The following PA2G4 variants were observed in gnomAD, a reference collection of about 807,000 sequenced individuals.
PA2G4 encodes the protein proliferation-associated protein 2G4.
PA2G4 carries 8 observed loss-of-function variants against 53.3 expected under a neutral mutation model. The observed-to-expected ratio is 0.15, with a 90% confidence interval of 0.09 to 0.27. PA2G4 has a LOEUF of 0.27. Among genes scored for constraint, PA2G4 ranks in the 10% least tolerant of loss-of-function variants. PA2G4 has a pLI of 1.00. For missense variants in PA2G4, 208 were observed against 486.8 expected, an observed-to-expected ratio of 0.43 and a Z score of 5.39; for synonymous variants, 143 against 169.8, an observed-to-expected ratio of 0.84 and a Z score of 1.23.
Position 56,109,906 on chromosome 12 carries a change from C to T in PA2G4, c.600C>T (p.Thr200=), listed in dbSNP as rs1185693829. ...LKQHVIDGEK[T]IIQNPTDQQK... is the part of the protein sequence containing the mutation. ...AGCATGTCATCGATGGAGAAAAAAC[C>T]ATTATCCAGAATCCCACAGACCAGC... The change falls in exon 7 of 13, where the codon ACC becomes ACT. Residue 200 remains threonine (T), a synonymous_variant. Transcript: ENST00000303305. 1 of 1,613,674 alleles carries T rather than the reference C, an allele frequency of 6.2e-7. No homozygotes were observed. The highest frequency in any genetic ancestry group is 8.5e-7 in the Non-Finnish European group (1 of 1,179,710).
rs1592236990 is a variant in PA2G4 at position 56,112,974 on chromosome 12, A to G, written c.*86A>G. ...ACTCTGTGAAGTGCAGTTCTTCTCC[A>G]CCTAGGACCGCCAGCAGAGCGGGGG... On this transcript the variant is annotated 3_prime_UTR_variant, in exon 13 of 13. Transcript: ENST00000303305. 2.3e-6 allele frequency: 2 copies of G among 873,304 alleles called. No individual in the cohort carries two copies. Among genetic ancestry groups the G allele is most frequent in the Non-Finnish European group, 3.4e-6 (2 of 581,580 alleles). The allele number at this position is 873,304 out of a possible 1,614,324, so 54.1% of individuals were successfully genotyped here. A position where few individuals can be genotyped will look rare whatever the true frequency, so the allele number is the denominator to read the frequency against.
intron 12 of PA2G4, among the ~76,000 whole-genome samples, chr12:56,112,509 A>G (rs1052539596): frequency 1.3e-5 from 2 of 152,070 alleles, no homozygotes; most frequent in African/African-American, 4.8e-5. Flanking sequence ...TATAATCCCA[A>G]CAGTTTGGGA....
chr12:56,106,612 C>T lies in PA2G4; in HGVS notation c.113C>T (p.Ala38Val). 1 of 1,588,180 alleles carries T rather than the reference C, an allele frequency of 6.3e-7. No homozygotes were observed. Among genetic ancestry groups the T allele is most frequent in the East Asian group, 2.2e-5 (1 of 44,664 alleles). The stretch of plus-strand genomic sequence containing the variant: ...GGGGTACTTCGGTCCTTGGTGGAAG[C>T]ATCTAGCTCAGGTGTGTCGGTACTG... ...ANRVLRSLVE[A>V]SSSGVSVLSL... The change falls in exon 2 of 13, where the codon GCA becomes GTA. Residue 38 changes from alanine to valine, a missense_variant. This residue lies in a region of PA2G4 where 143 missense variants were observed against 386.8 expected (regional missense o/e 0.37). Transcript: ENST00000303305.
Position 56,107,237 on chromosome 12 carries a change from T to C in PA2G4, c.374T>C (p.Phe125Ser). 6.2e-7 allele frequency: 1 copy of C among 1,613,260 alleles called. No individual in the cohort carries two copies. The highest frequency in any genetic ancestry group is 1.1e-5 in the South Asian group (1 of 91,042). The change falls in exon 4 of 13, where the codon TTT becomes TCT. Residue 125 changes from phenylalanine (F) to serine (S), a missense_variant. Physicochemically the swap from Phe to Ser is radical, Grantham distance 155. Transcript: ENST00000303305. ...TTCATCGCTAATGTAGCTCACACTT[T>C]TGTGGTTGATGTAGCTCAGGTAGGT... ...DGFIANVAHT[F>S]VVDVAQGTQV...
intron 6 of PA2G4, 94 bp from the exon 7 acceptor site, chr12:56,109,763 C>T (rs1869379652): frequency 1.2e-6 from 1 of 832,574 alleles, no homozygotes; most frequent in East Asian, 2.4e-5. Flanking sequence ...GTAGTTGTCT[C>T]ACTGCCTACC....
chr12:56,104,596 G>T lies in PA2G4; in HGVS notation c.-142G>T. ...CGCAGCTTCTCGCTCTCGCCTGCCT[G>T]CCCGCTCCCTTGCTTGCTCGCGCTT... On this transcript the variant is annotated 5_prime_UTR_variant, in exon 1 of 13. Transcript: ENST00000303305. The T allele has an allele frequency of 1.2e-6, 1 of 857,418 alleles. No individual in the cohort carries two copies. The highest frequency in any genetic ancestry group is 2.0e-6 in the Non-Finnish European group (1 of 493,188). 53.1% of individuals were successfully genotyped at this position (857,418 alleles called of 1,614,324 possible). A position where few individuals can be genotyped will look rare whatever the true frequency, so the allele number is the denominator to read the frequency against.
chr12:56,109,618 C>T (rs1427471975), intron 6 of PA2G4, among the ~76,000 whole-genome samples: 1 of 143,314 alleles, frequency 7.0e-6, no homozygotes, highest in Non-Finnish European at 1.5e-5. Flanking sequence ...GAAACTCCAT[C>T]TCCTCCATCT....
Position 56,112,849 on chromosome 12 carries a change from C to T in PA2G4, c.1146C>T (p.Thr382=), listed in dbSNP as rs565015489. The change falls in exon 13 of 13, where the codon ACC becomes ACT. Residue 382 remains threonine, a synonymous_variant. Transcript: ENST00000303305. The part of the protein sequence containing the change: ...KKASKTAENA[T]SGETLEENEA... Reference sequence around the variant, plus strand: ...CCTCCAAGACTGCAGAGAATGCCACCAGTGGGGAAACATTAGAAGAAAATG... The same window carrying T: ...CCTCCAAGACTGCAGAGAATGCCACTAGTGGGGAAACATTAGAAGAAAATG... The T allele has an allele frequency of 6.0e-5, 95 of 1,581,800 alleles. No homozygotes were observed. The South Asian group carries it at 1.1e-3, about 18-fold the overall frequency.
At chr12:56,112,395 A>G (rs1869447838) in intron 12 of PA2G4, among the ~76,000 whole-genome samples, 2 of 152,256 alleles carry the variant, frequency 1.3e-5, no homozygotes. Context: ...TGAAGTTGAA[A>G]AATCACAAGT....
Position 56,104,819 on chromosome 12 carries a change from G to T in PA2G4, c.82G>T (p.Ala28Ser). The T allele has an allele frequency of 6.2e-7, 1 of 1,613,148 alleles. No individual in the cohort carries two copies. The highest frequency in any genetic ancestry group is 8.5e-7 in the Non-Finnish European group (1 of 1,179,290). The change falls in exon 1 of 13, where the codon GCC becomes TCC. Residue 28 changes from alanine to serine, a missense_variant. Transcript: ENST00000303305. ...VTKYKMGGDI[A>S]NRVLRSLVEA... ...CAAGTATAAGATGGGGGGCGACATC[G>T]CCAACAGTGAGTGCGGCCTCGGGGG...
chr12:56,110,430 C>T lies in PA2G4; in HGVS notation c.661C>T (p.His221Tyr), dbSNP rs1220341111. ...KDHEKAEFEV[H>Y]EVYAVDVLVS... ...CCATGAAAAAGCTGAATTTGAGGTA[C>T]ATGAAGTATATGCTGTGGATGTTCT... is the stretch of plus-strand genomic sequence containing the variant. Residue 221 changes from histidine (H) to tyrosine (Y), a missense_variant, in exon 8 of 13, where the codon CAT (histidine) becomes TAT (tyrosine). Around this residue, in one of 3 missense-constraint regions of PA2G4, gnomAD observed 143 missense variants for 386.8 expected, o/e 0.37. Transcript: ENST00000303305. 3 of 1,611,216 alleles carry T rather than the reference C, an allele frequency of 1.9e-6. No individual in the cohort carries two copies. The African/African-American group carries it at 4.0e-5, about 22-fold the overall frequency.
intron 6 of PA2G4, 35 bp from the exon 7 acceptor site, chr12:56,109,822 G>T (rs747492690): frequency 1.3e-6 from 2 of 1,522,910 alleles, no homozygotes; most frequent in Non-Finnish European, 1.8e-6. Flanking sequence ...TGGGATACTG[G>T]ATAGCTTGTT....
intron 7 of PA2G4, 24 bp from the exon 8 acceptor site, chr12:56,110,374 AT>A: frequency 4.2e-6 from 6 of 1,443,940 alleles, no homozygotes; most frequent in Non-Finnish European, 5.8e-6. Context: ...AAAAAAAAAA[AT>A]TCCTTTCTCT....
chr12:56,110,505 A>G, intron 8 of PA2G4, 28 bp downstream of exon 8: 3 of 1,613,884 alleles, frequency 1.9e-6, no homozygotes, highest in Non-Finnish European at 2.5e-6. Context: ...GTTGGCAAAG[A>G]GGGGTGACTG....
intron 5 of PA2G4, among the ~76,000 whole-genome samples, chr12:56,107,909 T>A (rs1367734592): frequency 1.3e-5 from 2 of 152,034 alleles, no homozygotes; most frequent in African/African-American, 4.8e-5. Flanking sequence ...TGTGCCTGTA[T>A]TCCCAGCTTC....
intron 4 of PA2G4, 111 bp downstream of exon 4, chr12:56,107,367 G>C (rs1360066913): frequency 9.3e-7 from 1 of 1,069,614 alleles, no homozygotes; most frequent in African/African-American, 1.6e-5. Flanking sequence ...AGTCTCTAGA[G>C]AAGCAAAAGG....
intron 12 of PA2G4, among the ~76,000 whole-genome samples, chr12:56,112,017 G>A (rs1565865258): frequency 6.6e-6 from 1 of 152,112 alleles, no homozygotes; most frequent in Non-Finnish European, 1.5e-5. Flanking sequence ...GGGAGGCTAA[G>A]GCAGGAGAAT....
intron 6 of PA2G4, 74 bp downstream of exon 6, chr12:56,109,367 C>T (rs1869370095): frequency 8.8e-7 from 1 of 1,132,304 alleles, no homozygotes; most frequent in Admixed American, 1.7e-5. Flanking sequence ...CGCCTGTAAT[C>T]CCAGAACTTT....
chr12:56,110,030 C>G (rs1363434256), intron 7 of PA2G4, 95 bp downstream of exon 7: 1 of 898,130 alleles, frequency 1.1e-6, no homozygotes, highest in Non-Finnish European at 1.9e-6. Flanking sequence ...GCCCTCTACT[C>G]CATGTTTTCA....
Sources: gnomAD v4.1 joint callset for allele counts (sites outside exome capture counted in the v4.1 genomes callset) on GRCh38, gnomAD v4.1.1 for gene constraint, gnomAD v4.1.1 regional missense constraint, MANE v1.5 for transcripts, NCBI Gene and HGNC (gene_info 2026-07-23, HGNC 2026-07-21) for gene names.